Variants in KLHL1 observed in about 807,000 individuals in gnomAD.
KLHL1 encodes kelch-like protein 1.
In KLHL1, 47 loss-of-function variants were observed where a neutral mutation model predicts 77.7. The observed-to-expected ratio is 0.60, with a 90% CI of 0.48 to 0.77. The LOEUF (loss-of-function observed/expected upper bound fraction) is 0.77. Ranked by LOEUF, KLHL1 falls within the 30% of genes least tolerant of loss-of-function variation. The pLI, the probability that KLHL1 is intolerant of heterozygous loss-of-function variation, is 0.00. For synonymous variants in KLHL1, 360 were observed against 325.2 expected, an observed-to-expected ratio of 1.11 and a Z score of -1.15; for missense variants, 925 against 910.8, an observed-to-expected ratio of 1.02 and a Z score of -0.20.
intron 7 of KLHL1, among the ~76,000 whole-genome samples, chr13:69,751,112 ATGTGTGTGTGTGTGTG>A (rs56689981): frequency 1.4e-5 from 2 of 141,092 alleles, no homozygotes; most frequent in Non-Finnish European, 3.1e-5. Context: ...TCATGTGTGT[ATGTGTGTGTGTGTGTG>A]TGTGTGTGTG....
intron 5 of KLHL1, among the ~76,000 whole-genome samples, chr13:69,859,887 G>A (rs1203527633): frequency 6.6e-6 from 1 of 152,016 alleles, no homozygotes; most frequent in East Asian, 1.9e-4. Flanking sequence ...CACATTGTAA[G>A]CGTACAAAAG....
chr13:70,006,325 C>G (rs375035282), intron 1 of KLHL1, among the ~76,000 whole-genome samples: 2 of 151,876 alleles, frequency 1.3e-5, no homozygotes, highest in East Asian at 3.9e-4. Context: ...CCCACTTGAT[C>G]AAGGTGAATG....
chr13:69,988,429 A>G (rs975662634), intron 1 of KLHL1, among the ~76,000 whole-genome samples: 2 of 152,024 alleles, frequency 1.3e-5, no homozygotes, highest in African/African-American at 4.8e-5. Flanking sequence ...AAACATATGC[A>G]TACATGTGTC....
intron 4 of KLHL1, among the ~76,000 whole-genome samples, chr13:69,931,316 G>A (rs886914596): frequency 1.3e-5 from 2 of 151,656 alleles, no homozygotes; most frequent in African/African-American, 4.8e-5. Flanking sequence ...AAAAGTGTTT[G>A]CTCTTCATTA....
intron 1 of KLHL1, among the ~76,000 whole-genome samples, chr13:70,042,651 A>G (rs1200530170): frequency 6.6e-6 from 1 of 152,232 alleles, no homozygotes; most frequent in African/African-American, 2.4e-5. Context: ...GATAATTATA[A>G]TCAATGACTA....
intron 4 of KLHL1, among the ~76,000 whole-genome samples, chr13:69,914,900 A>G (rs1363754478): frequency 6.6e-6 from 1 of 152,186 alleles, no homozygotes; most frequent in Non-Finnish European, 1.5e-5. Context: ...TTAGGTGTAA[A>G]TGGTACTAAC....
intron 7 of KLHL1, among the ~76,000 whole-genome samples, chr13:69,785,873 A>G (rs530311206): frequency 6.6e-6 from 1 of 152,338 alleles, no homozygotes; most frequent in South Asian, 2.1e-4. Flanking sequence ...AGAATACTAC[A>G]AACACATCTA....
intron 5 of KLHL1, among the ~76,000 whole-genome samples, chr13:69,879,953 C>T (rs1880923612): frequency 6.6e-6 from 1 of 152,082 alleles, no homozygotes; most frequent in African/African-American, 2.4e-5. Flanking sequence ...TAAATGAATG[C>T]CTTTAAGTTC....
rs1566295586 is a variant in KLHL1 at position 69,824,711 on chromosome 13, G to GA, written c.1414+14264dup. Among the ~76,000 whole-genome samples the GA allele has an allele frequency of 2.6e-5, 4 of 152,084 alleles. No individual in the cohort carries two copies. In the South Asian group the frequency reaches 8.3e-4, roughly 31 times the overall value. On this transcript the variant is annotated intron_variant, in intron 6 of 10. Transcript: ENST00000377844. ...CAAATAGGCAAAACTAACGTAGGTT[G>GA]AAAAAATATTCAAAGGAATAGTTGT... is the stretch of plus-strand genomic sequence containing the variant.
At chr13:70,054,541 A>G (rs1193585335) in intron 1 of KLHL1, among the ~76,000 whole-genome samples, 1 of 152,090 alleles carries the variant, frequency 6.6e-6, no homozygotes. Context: ...TATTGTCATG[A>G]ACATTCTTTT....
intron 7 of KLHL1, among the ~76,000 whole-genome samples, chr13:69,759,163 A>G (rs1003315139): frequency 2.0e-5 from 3 of 152,196 alleles, no homozygotes; most frequent in East Asian, 3.9e-4. Context: ...GTAGCTGTTG[A>G]CCAAGGCACA....
intron 1 of KLHL1, among the ~76,000 whole-genome samples, chr13:69,979,715 T>C (rs1025739323): frequency 6.6e-6 from 1 of 152,148 alleles, no homozygotes; most frequent in Non-Finnish European, 1.5e-5. Flanking sequence ...GGCCCAACAA[T>C]ACAAAGCTTG....
chr13:69,969,973 A>C (rs768000406), intron 2 of KLHL1, among the ~76,000 whole-genome samples: 31 of 152,164 alleles, frequency 2.0e-4, no homozygotes, highest in Admixed American at 5.9e-4. Context: ...ATGGTGTTTG[A>C]TATTGTTAAC....
chr13:70,100,963 T>C (rs1388325444), intron 1 of KLHL1, among the ~76,000 whole-genome samples: 1 of 152,180 alleles, frequency 6.6e-6, no homozygotes, highest in East Asian at 1.9e-4. Context: ...ATGCTACAGA[T>C]AACAGTTTTC....
intron 5 of KLHL1, among the ~76,000 whole-genome samples, chr13:69,855,634 C>G (rs1337536448): frequency 6.6e-6 from 1 of 151,498 alleles, no homozygotes; most frequent in East Asian, 2.0e-4. Flanking sequence ...CTACACTCAG[C>G]AATTTTCCTT....
Position 69,862,636 on chromosome 13 carries a change from AC to A in KLHL1, c.1227+19646del, listed in dbSNP as rs149703865. On this transcript the variant is annotated intron_variant, in intron 5 of 10. Transcript: ENST00000377844. ...TCAAAATTCATATGTTGAAGCGTTA[AC>A]CTCAAGGTGAGTGTTTTTAGAGAAA... Among the ~76,000 whole-genome samples, 890 of 152,250 alleles carry A rather than the reference AC, an allele frequency of 5.8e-3. 15 individuals carry two copies. The highest frequency in any genetic ancestry group is 0.02 in the African/African-American group (832 of 41,552).
chr13:70,107,381 C>A lies in KLHL1; in HGVS notation c.319G>T (p.Ala107Ser), dbSNP rs765081288. Reference sequence around the variant, plus strand: ...GGCTGCTGAGTGCCCTGCCCAGGAGCCCCTTGCTGCAGCCTCGTGGCAACT... The same window carrying A: ...GGCTGCTGAGTGCCCTGCCCAGGAGACCCTTGCTGCAGCCTCGTGGCAACT... ...LPVATRLQQG[A>S]PGQGTQQPAR... Residue 107 changes from alanine (A) to serine (S), a missense_variant, in exon 1 of 11, where the codon GCT (alanine) becomes TCT (serine). Physicochemically the swap from Ala to Ser is moderately conservative, Grantham distance 99. Coordinates refer to ENST00000377844, the MANE Select transcript of KLHL1 (RefSeq NM_020866.3). 6.2e-7 allele frequency: 1 copy of A among 1,613,946 alleles called. No homozygotes were observed. The highest frequency in any genetic ancestry group is 1.3e-5 in the African/African-American group (1 of 74,832).
intron 1 of KLHL1, among the ~76,000 whole-genome samples, chr13:70,061,922 A>G (rs1001231123): frequency 6.6e-6 from 1 of 152,154 alleles, no homozygotes; most frequent in Non-Finnish European, 1.5e-5. Flanking sequence ...ATCAACTCAA[A>G]CATTTTTCAC....
rs1018642791 is a variant in KLHL1 at position 69,740,453 on chromosome 13, T to C, written c.1743A>G (p.Thr581=). The C allele has an allele frequency of 9.9e-6, 16 of 1,612,846 alleles. No individual in the cohort carries two copies. Among genetic ancestry groups the C allele is most frequent in the Non-Finnish European group, 1.3e-5 (15 of 1,179,198 alleles). The change falls in exon 8 of 11, where the codon ACA becomes ACG. Residue 581 remains threonine, a synonymous_variant. Coordinates refer to ENST00000377844, the MANE Select transcript of KLHL1 (RefSeq NM_020866.3). ...GAGCAATTGACATACTGGCTACAAA[T>C]GTCCATTGTTGACTCTGTGGATCCC... The part of the protein sequence containing the change: ...ERWDPQSQQW[T]FVASMSIARS...
Sources: gnomAD v4.1 joint callset for allele counts (sites outside exome capture counted in the v4.1 genomes callset) on GRCh38, gnomAD v4.1.1 for gene constraint, MANE v1.5 for transcripts, NCBI Gene and HGNC (gene_info 2026-07-23, HGNC 2026-07-21) for gene names.